Variants in RAPH1 observed in about 807,000 individuals in gnomAD.
RAPH1 encodes the protein ras-associated and pleckstrin homology domains-containing protein 1.
Under a neutral mutation model 88.1 loss-of-function variants are expected in RAPH1, and 18 were observed. The ratio of observed to expected loss-of-function variants is 0.20; its 90% CI spans 0.14 to 0.30. The LOEUF (loss-of-function observed/expected upper bound fraction) is 0.30. Among genes scored for constraint, RAPH1 ranks in the 10% least tolerant of loss-of-function variants. The pLI, the probability that RAPH1 is intolerant of heterozygous loss-of-function variation, is 1.00. For synonymous variants in RAPH1, 587 were observed against 559.0 expected (o/e 1.05, Z -0.71); for missense variants, 1,448 against 1,543.2 (o/e 0.94, Z 1.03).
At chr2:203,515,387 A>G (rs1346283161) in intron 1 of RAPH1, among the ~76,000 whole-genome samples, 1 of 152,232 alleles carries the variant, frequency 6.6e-6, no homozygotes, top group Non-Finnish European at 1.5e-5. Flanking sequence ...GCTAGAACTA[A>G]TAATGGTCAG....
At chr2:203,477,991 A>G (rs1255483666) in intron 4 of RAPH1, among the ~76,000 whole-genome samples, 1 of 151,368 alleles carries the variant, frequency 6.6e-6, no homozygotes, top group East Asian at 1.9e-4. Context: ...CCTTTGAGTT[A>G]TAATGTATTC....
Position 203,448,199 on chromosome 2 carries a change from C to A in RAPH1, c.1513-120G>T. ...TGATGGTCTGTATTAAAATTAATAC[C>A]TATGATAGTTCAAAAATTCCTCTAA... On this transcript the variant is annotated intron_variant, in intron 11 of 13. Transcript: ENST00000319170. The surrounding 1 kb of genome is among the most constrained non-coding windows in gnomAD (Gnocchi z 4.1). The A allele has an allele frequency of 3.6e-6, 3 of 831,412 alleles. No homozygotes were observed. Among genetic ancestry groups the A allele is most frequent in the Non-Finnish European group, 5.3e-6 (3 of 566,848 alleles). The allele number at this position is 831,412 out of a possible 1,614,324, so 51.5% of individuals were successfully genotyped here.
chr2:203,513,138 C>T (rs780715281), intron 1 of RAPH1, among the ~76,000 whole-genome samples: 12 of 151,694 alleles, frequency 7.9e-5, no homozygotes, highest in Non-Finnish European at 5.9e-5. Flanking sequence ...TTAATTCTGC[C>T]ACTAACTAGC....
At chr2:203,518,011 G>A (rs372442740) in intron 1 of RAPH1, among the ~76,000 whole-genome samples, 2 of 151,880 alleles carry the variant, frequency 1.3e-5, no homozygotes, top group Non-Finnish European at 2.9e-5. Flanking sequence ...ATAAGAATCT[G>A]AGCAGAAATC....
rs1239172979 is a variant in RAPH1 at position 203,434,582 on chromosome 2, A to G, written c.*4855T>C. The G allele has an allele frequency of 6.6e-6, 1 of 150,836 alleles. No individual in the cohort carries two copies. The highest frequency in any genetic ancestry group is 1.5e-5 in the Non-Finnish European group (1 of 67,784). 9.3% of individuals were successfully genotyped at this position (150,836 alleles called of 1,614,324 possible). On this transcript the variant is annotated 3_prime_UTR_variant, in exon 14 of 14. Transcript: ENST00000319170. The stretch of plus-strand genomic sequence containing the variant: ...TACAAGTAGCAAAAAAAAAAAAAAA[A>G]GTAGGAGGTGGGGAAATAATATGAA...
At chr2:203,456,596 T>C (rs1441954880) in intron 8 of RAPH1, among the ~76,000 whole-genome samples, 2 of 152,180 alleles carry the variant, frequency 1.3e-5, no homozygotes, top group African/African-American at 4.8e-5. Context: ...ATATAGGACA[T>C]TTGGGCCTAA....
chr2:203,480,549 A>T (rs1687679135), intron 4 of RAPH1, among the ~76,000 whole-genome samples: 1 of 152,216 alleles, frequency 6.6e-6, no homozygotes. Flanking sequence ...CCCTGTCTCA[A>T]AAAATAAATA....
intron 1 of RAPH1, among the ~76,000 whole-genome samples, 166 bp downstream of exon 1, chr2:203,534,945 C>A: frequency 6.6e-6 from 1 of 152,178 alleles, no homozygotes; most frequent in Non-Finnish European, 1.5e-5. Context: ...CGGCCCGATC[C>A]CCAACCTGGC....
chr2:203,443,668 T>TG (rs2098506386), intron 13 of RAPH1: 1 of 149,674 alleles, frequency 6.7e-6, no homozygotes, highest in Non-Finnish European at 1.5e-5. Flanking sequence ...GGAATGAGTC[T>TG]GAATAAATTA....
chr2:203,528,041 C>A (rs1173338522), intron 1 of RAPH1, among the ~76,000 whole-genome samples: 1 of 151,982 alleles, frequency 6.6e-6, no homozygotes, highest in Non-Finnish European at 1.5e-5. Flanking sequence ...CATGGCAAAT[C>A]ATTTAAAAAA....
At chr2:203,484,980 A>G (rs1053650172) in intron 4 of RAPH1, among the ~76,000 whole-genome samples, 6 of 152,200 alleles carry the variant, frequency 3.9e-5, no homozygotes, top group African/African-American at 1.4e-4. Flanking sequence ...AAGAGACCAC[A>G]TGGTAAGTGC....
At chr2:203,453,030 C>G (rs1470150769) in intron 10 of RAPH1, among the ~76,000 whole-genome samples, 1 of 152,128 alleles carries the variant, frequency 6.6e-6, no homozygotes, top group East Asian at 1.9e-4. Flanking sequence ...CTCCACTATA[C>G]ATATGTGAGA....
Position 203,448,107 on chromosome 2 carries a change from T to C in RAPH1, c.1513-28A>G. On this transcript the variant is annotated intron_variant, in intron 11 of 13. Coordinates refer to ENST00000319170, the MANE Select transcript of RAPH1 (RefSeq NM_213589.3). This position sits in a 1 kb window ranked among gnomAD's most constrained non-coding sequence, Gnocchi z 4.1. ...AAAGAGAAGACAGGAAATGGTGACA[T>C]CTAAACTTTACTGAGTATGATACAG... 6.2e-7 allele frequency: 1 copy of C among 1,610,642 alleles called. No individual in the cohort carries two copies.
rs371274103 is a variant in RAPH1 at position 203,457,969 on chromosome 2, A to T, written c.1093-374T>A. 5.9e-5 allele frequency among the ~76,000 whole-genome samples: 9 copies of T among 152,270 alleles called. No homozygotes were observed. The East Asian group carries it at 1.5e-3, about 26-fold the overall frequency. ...ACAACAAGTAAGGCAAATTTCCTTA[A>T]AATATACTGATCTAGGTGCAGAAAA... On this transcript the variant is annotated intron_variant, in intron 7 of 13. Transcript: ENST00000319170.
At chr2:203,498,669 A>C (rs1482997078) in intron 1 of RAPH1, among the ~76,000 whole-genome samples, 1 of 152,202 alleles carries the variant, frequency 6.6e-6, no homozygotes, top group Non-Finnish European at 1.5e-5. Flanking sequence ...GATTTTAAGA[A>C]AGGTTTAAAT....
chr2:203,514,391 T>A (rs1456428463), intron 1 of RAPH1, among the ~76,000 whole-genome samples: 3 of 152,184 alleles, frequency 2.0e-5, no homozygotes, highest in Non-Finnish European at 4.4e-5. Flanking sequence ...TCTCTGTGTA[T>A]TCATTTGTTT....
chr2:203,450,828 A>G (rs2098514208), intron 10 of RAPH1, among the ~76,000 whole-genome samples: 1 of 152,012 alleles, frequency 6.6e-6, no homozygotes, highest in South Asian at 2.1e-4. Context: ...ACTTGACTGC[A>G]TAGGTGTTCA....
rs774304253 is a variant in RAPH1 at position 203,439,508 on chromosome 2, T to G, written c.3682A>C (p.Thr1228Pro). The change falls in exon 14 of 14, where the codon ACG becomes CCG. Residue 1228 changes from threonine (T) to proline (P), a missense_variant. Around this residue, in one of 2 missense-constraint regions of RAPH1, gnomAD observed 935 missense variants for 890.1 expected, o/e 1.05. Transcript: ENST00000319170. ...YGGSHISGYA[T>P]LRRGPPPAPP... The stretch of plus-strand genomic sequence containing the variant: ...GCAGGAGGGGGTCCTCTCCGCAACG[T>G]TGCATAGCCTGATATATGACTGCCT... 5.0e-6 allele frequency: 8 copies of G among 1,614,116 alleles called. No individual in the cohort carries two copies. The highest frequency in any genetic ancestry group is 6.8e-6 in the Non-Finnish European group (8 of 1,180,034).
At chr2:203,505,693 A>C (rs915969235) in intron 1 of RAPH1, among the ~76,000 whole-genome samples, 2 of 151,834 alleles carry the variant, frequency 1.3e-5, no homozygotes, top group Non-Finnish European at 2.9e-5. Context: ...AAACTGAAAA[A>C]CAACAAATAA....
Sources: gnomAD v4.1 joint callset for allele counts (sites outside exome capture counted in the v4.1 genomes callset) on GRCh38, gnomAD v4.1.1 for gene constraint, gnomAD v4.1.1 regional missense constraint, Gnocchi (gnomAD v3.1) non-coding constraint, MANE v1.5 for transcripts, NCBI Gene and HGNC (gene_info 2026-07-23, HGNC 2026-07-21) for gene names.